Variants in CHN2 observed in about 807,000 individuals in gnomAD.
The protein encoded by CHN2 is chimerin 2.
Under a neutral mutation model 56.3 loss-of-function variants are expected in CHN2, and 35 were observed. That is an observed-to-expected ratio of 0.62 (90% CI 0.47 to 0.82). CHN2 has a LOEUF of 0.82. Among genes scored for constraint, CHN2 ranks in the 40% least tolerant of loss-of-function variants. CHN2 has a pLI of 0.00. For missense variants in CHN2, 491 were observed against 580.5 expected, an observed-to-expected ratio of 0.85 and a Z score of 1.58; for synonymous variants, 210 against 212.8, an observed-to-expected ratio of 0.99 and a Z score of 0.12.
chr7:29,262,517 A>G (rs926453462), intron 1 of CHN2, among the ~76,000 whole-genome samples: 73 of 152,372 alleles, frequency 4.8e-4, no homozygotes, highest in African/African-American at 1.6e-3. Flanking sequence ...TGAAATCAGT[A>G]GAGAGAATAG....
chr7:29,277,541 T>C (rs1354207151), intron 1 of CHN2, among the ~76,000 whole-genome samples: 1 of 152,168 alleles, frequency 6.6e-6, no homozygotes, highest in Admixed American at 6.5e-5. Flanking sequence ...GGAGCTACAG[T>C]TGTATTCTGG....
chr7:29,173,949 CAAA>C (rs74313059), intron 2 of CHN2, among the ~76,000 whole-genome samples: 1 of 115,800 alleles, frequency 8.6e-6, no homozygotes. Flanking sequence ...GAGACTGACT[CAAA>C]AAAAAAAAAA....
intron 6 of CHN2, among the ~76,000 whole-genome samples, chr7:29,415,992 G>A (rs1803699945): frequency 6.6e-6 from 1 of 152,190 alleles, no homozygotes; most frequent in Admixed American, 6.5e-5. Flanking sequence ...CTGGGTTTGG[G>A]GAGAAGAGTG....
At chr7:29,423,960 G>A (rs754478367) in intron 6 of CHN2, among the ~76,000 whole-genome samples, 3 of 152,214 alleles carry the variant, frequency 2.0e-5, no homozygotes, top group Non-Finnish European at 2.9e-5. Flanking sequence ...ATAGCTGCAA[G>A]GGAAGGACCA....
chr7:29,294,924 A>G (rs1337086169), intron 1 of CHN2, among the ~76,000 whole-genome samples: 1 of 152,138 alleles, frequency 6.6e-6, no homozygotes, highest in African/African-American at 2.4e-5. Context: ...GCTGTGTGCT[A>G]TGCTCTTTAG....
intron 1 of CHN2, among the ~76,000 whole-genome samples, chr7:29,226,573 C>T (rs571974088): frequency 6.6e-6 from 1 of 152,288 alleles, no homozygotes; most frequent in East Asian, 1.9e-4. Flanking sequence ...GCTAAAATGT[C>T]ATATGCTGTT....
intron 1 of CHN2, among the ~76,000 whole-genome samples, chr7:29,204,694 G>C (rs1190420731): frequency 6.6e-6 from 1 of 152,114 alleles, no homozygotes. Flanking sequence ...CCGGTGACCA[G>C]GGCACAGAAG....
chr7:29,511,828 G>T (rs985190604), intron 12 of CHN2, among the ~76,000 whole-genome samples: 1 of 151,774 alleles, frequency 6.6e-6, no homozygotes. Flanking sequence ...AAAACTCTGG[G>T]AGATAGATAG....
intron 6 of CHN2, among the ~76,000 whole-genome samples, chr7:29,427,927 T>TTA (rs1805050389): frequency 6.6e-6 from 1 of 152,156 alleles, no homozygotes; most frequent in African/African-American, 2.4e-5. Context: ...AGTGCTGGGA[T>TTA]TATAGGTTTG....
chr7:29,323,151 C>T (rs1380343433), intron 1 of CHN2, among the ~76,000 whole-genome samples: 1 of 137,090 alleles, frequency 7.3e-6, no homozygotes, highest in African/African-American at 3.0e-5. Context: ...GAGAATCCGT[C>T]CCCCCCGTTC....
intron 1 of CHN2, among the ~76,000 whole-genome samples, chr7:29,353,621 G>T (rs1407582981): frequency 6.6e-6 from 1 of 152,046 alleles, no homozygotes; most frequent in African/African-American, 2.4e-5. Flanking sequence ...AACAGAACGA[G>T]ACTCTGTCTC....
At chr7:29,378,927 T>C (rs1800279132) in intron 3 of CHN2, among the ~76,000 whole-genome samples, 3 of 152,146 alleles carry the variant, frequency 2.0e-5, no homozygotes, top group Admixed American at 2.0e-4. Flanking sequence ...ATCGCACCAC[T>C]GCACTCCAGC....
At chr7:29,290,988 G>A (rs1416349739) in intron 1 of CHN2, among the ~76,000 whole-genome samples, 4 of 152,144 alleles carry the variant, frequency 2.6e-5, no homozygotes, top group Admixed American at 6.5e-5. Flanking sequence ...CATGCTTTCC[G>A]AGGGTTGCAT....
intron 1 of CHN2, among the ~76,000 whole-genome samples, chr7:29,270,606 T>C (rs562441705): frequency 3.9e-5 from 6 of 152,086 alleles, no homozygotes; most frequent in Non-Finnish European, 7.4e-5. Context: ...GGTGGTTGTA[T>C]TGAGTCAAGA....
At chr7:29,225,931 A>G (rs1028515904) in intron 1 of CHN2, among the ~76,000 whole-genome samples, 2 of 152,182 alleles carry the variant, frequency 1.3e-5, no homozygotes, top group African/African-American at 4.8e-5. Flanking sequence ...GGTATTTGCA[A>G]TGTGTCATTC....
intron 7 of CHN2, among the ~76,000 whole-genome samples, chr7:29,484,503 C>T (rs1215803763): frequency 6.6e-6 from 1 of 152,186 alleles, no homozygotes. Flanking sequence ...CCTTGGCGTT[C>T]TTTGTCTTGT....
intron 2 of CHN2, among the ~76,000 whole-genome samples, chr7:29,166,746 AT>A (rs1017265854): frequency 1.1e-4 from 17 of 151,952 alleles, no homozygotes; most frequent in African/African-American, 3.9e-4. Flanking sequence ...TATCATTTCT[AT>A]TTTTTTCTTG....
At chr7:29,384,337 T>C (rs1800760149) in intron 3 of CHN2, among the ~76,000 whole-genome samples, 1 of 152,190 alleles carries the variant, frequency 6.6e-6, no homozygotes, top group African/African-American at 2.4e-5. Flanking sequence ...CAATTAGACC[T>C]TGGTTTGGAT....
At chr7:29,238,330 T>C (rs1787365668) in intron 1 of CHN2, among the ~76,000 whole-genome samples, 2 of 152,344 alleles carry the variant, frequency 1.3e-5, no homozygotes, top group South Asian at 2.1e-4. Context: ...ATATATTCTT[T>C]ATGAAATTAA....
Sources: allele counts gnomAD v4.1 joint callset (sites outside exome capture counted in the v4.1 genomes callset), GRCh38; gene constraint gnomAD v4.1.1; transcripts MANE v1.5; gene names NCBI Gene and HGNC (gene_info 2026-07-23, HGNC 2026-07-21).